PCDH15: variants seen among roughly 807,000 people sequenced by gnomAD.
PCDH15 encodes the protein protocadherin related 15.
In PCDH15, 129 loss-of-function variants were observed where a neutral mutation model predicts 178.5. The ratio of observed to expected loss-of-function variants is 0.72; its 90% CI spans 0.63 to 0.84. PCDH15 has a LOEUF of 0.84. PCDH15 is among the 40% of genes least tolerant of loss of function. PCDH15 has a pLI of 0.00. For synonymous variants in PCDH15, 800 were observed against 732.0 expected, an observed-to-expected ratio of 1.09 and a Z score of -1.50; for missense variants, 2,230 against 2,099.9, an observed-to-expected ratio of 1.06 and a Z score of -1.21.
intron 2 of PCDH15, among the ~76,000 whole-genome samples, chr10:54,661,998 T>C (rs2094499827): frequency 6.6e-6 from 1 of 151,778 alleles, no homozygotes; most frequent in African/African-American, 2.4e-5. Context: ...CCTAGGCAAA[T>C]AATTTATAAA....
At chr10:55,029,150 C>G (rs1405895603) in intron 2 of PCDH15, among the ~76,000 whole-genome samples, 2 of 151,988 alleles carry the variant, frequency 1.3e-5, no homozygotes, top group Non-Finnish European at 2.9e-5. Flanking sequence ...TATCATCATT[C>G]TTACTCTTCA....
At chr10:54,853,388 C>A (rs11004600) in intron 3 of PCDH15, among the ~76,000 whole-genome samples, 1 of 89,424 alleles carries the variant, frequency 1.1e-5, no homozygotes, top group Non-Finnish European at 2.1e-5. Flanking sequence ...CACATACATA[C>A]ATATATATAC....
intron 37 of PCDH15, chr10:53,808,250 C>A: frequency 4.2e-6 from 1 of 240,110 alleles, no homozygotes; most frequent in Non-Finnish European, 6.7e-6. Flanking sequence ...AAGTAGACGA[C>A]TGTTAAAGAT....
Position 55,462,644 on chromosome 10 carries a change from G to A in PCDH15, c.-156+164981C>T, listed in dbSNP as rs1402324331. ...AGAAAGCCATGTTCCTATATATATT[G>A]TGCCTATTTAGTCTTAACTCCAGCA... is the stretch of plus-strand genomic sequence containing the variant. On this transcript the variant is annotated intron_variant, in intron 2 of 5. Coordinates refer to the PCDH15 transcript ENST00000613346. 2.6e-5 allele frequency among the ~76,000 whole-genome samples: 4 copies of A among 152,064 alleles called. No homozygotes were observed. The South Asian group carries it at 6.2e-4, about 24-fold the overall frequency.
chr10:54,592,320 C>G (rs1184868471), intron 2 of PCDH15, among the ~76,000 whole-genome samples: 4 of 151,892 alleles, frequency 2.6e-5, no homozygotes, highest in Admixed American at 2.6e-4. Context: ...TCCTTCCCTT[C>G]CTTCCTCCTT....
intron 2 of PCDH15, among the ~76,000 whole-genome samples, chr10:55,039,715 T>C (rs982232525): frequency 3.3e-5 from 5 of 152,098 alleles, no homozygotes; most frequent in African/African-American, 1.2e-4. Flanking sequence ...AAGTGGCAAG[T>C]GTGGAGAAAC....
At chr10:55,442,783 T>G (rs1366841009) in intron 2 of PCDH15, among the ~76,000 whole-genome samples, 2 of 151,960 alleles carry the variant, frequency 1.3e-5, no homozygotes, top group Non-Finnish European at 2.9e-5. Context: ...TTTACCTATG[T>G]TACCCATTTT....
intron 1 of PCDH15, among the ~76,000 whole-genome samples, chr10:55,268,338 C>G (rs1222483302): frequency 6.6e-6 from 1 of 152,072 alleles, no homozygotes; most frequent in Non-Finnish European, 1.5e-5. Flanking sequence ...CATATGTACA[C>G]AAAAACACAA....
At chr10:54,446,744 C>T (rs116595044) in intron 3 of PCDH15, among the ~76,000 whole-genome samples, 2 of 151,204 alleles carry the variant, frequency 1.3e-5, no homozygotes, top group African/African-American at 4.9e-5. Context: ...ATTTTTAGTG[C>T]CTGAGATTTA....
At chr10:54,794,071 G>GAT (rs1029850658) in intron 1 of PCDH15, among the ~76,000 whole-genome samples, 82 of 145,138 alleles carry the variant, frequency 5.6e-4, no homozygotes, top group African/African-American at 2.0e-3. Flanking sequence ...ACTGCTTTGA[G>GAT]ATATATATAT....
chr10:55,253,393 T>G (rs1029605985), intron 1 of PCDH15, among the ~76,000 whole-genome samples: 2 of 152,184 alleles, frequency 1.3e-5, no homozygotes, highest in Admixed American at 1.3e-4. Flanking sequence ...CATATCTGTA[T>G]AGTTTGATTC....
intron 26 of PCDH15, among the ~76,000 whole-genome samples, chr10:53,878,303 A>ACTATATATATTCTATATATATAGT (rs2080405985): frequency 1.0e-5 from 1 of 96,470 alleles, no homozygotes; most frequent in Non-Finnish European, 2.1e-5. Context: ...ATATATATAG[A>ACTATATATATTCTATATATATAGT]CTATATATAT....
chr10:55,284,737 C>T (rs1011545426), intron 1 of PCDH15, among the ~76,000 whole-genome samples: 5 of 151,878 alleles, frequency 3.3e-5, no homozygotes, highest in African/African-American at 9.7e-5. Context: ...TAAGTTTTCA[C>T]GTCACATGTA....
chr10:53,963,133 A>G (rs974516443), intron 21 of PCDH15, among the ~76,000 whole-genome samples: 4 of 152,190 alleles, frequency 2.6e-5, no homozygotes, highest in Admixed American at 1.3e-4. Context: ...TTCTGAGAAC[A>G]TTGCTTTTTA....
chr10:55,302,422 T>C (rs549358946), intron 1 of PCDH15, among the ~76,000 whole-genome samples: 2 of 152,200 alleles, frequency 1.3e-5, no homozygotes, highest in South Asian at 2.1e-4. Context: ...GAAATTTGTG[T>C]GAAGAAATTG....
chr10:55,093,751 C>G (rs982378561), intron 2 of PCDH15, among the ~76,000 whole-genome samples: 1 of 152,022 alleles, frequency 6.6e-6, no homozygotes, highest in Admixed American at 6.6e-5. Flanking sequence ...AGACAGTTCT[C>G]AAAAGAAGAC....
chr10:54,861,852 C>A (rs1360445083), intron 3 of PCDH15, among the ~76,000 whole-genome samples: 3 of 152,136 alleles, frequency 2.0e-5, no homozygotes, highest in African/African-American at 7.2e-5. Flanking sequence ...AATACATAAA[C>A]AAATACTCTT....
At chr10:55,616,414 T>C (rs765521974) in intron 2 of PCDH15, among the ~76,000 whole-genome samples, 1 of 152,074 alleles carries the variant, frequency 6.6e-6, no homozygotes, top group Non-Finnish European at 1.5e-5. Context: ...AGGAGCTAGA[T>C]GAATTGCAGA....
In PCDH15 at chr10:53,938,810, C is replaced by G. The variant is rs1481426746; in HGVS notation, c.3373+5G>C. ...CTGGTAAAAGCTTTAAGTAGTATAA[C>G]TTACTTTTTGAAGGAACTCGGAGAT... On this transcript the variant is annotated splice_donor_5th_base_variant and intron_variant, in intron 25 of 37. Coordinates refer to ENST00000644397, the MANE Select transcript of PCDH15 (RefSeq NM_001384140.1). 1.6e-5 allele frequency: 25 copies of G among 1,612,450 alleles called. No homozygotes were observed. The highest frequency in any genetic ancestry group is 2.0e-5 in the Non-Finnish European group (24 of 1,179,448).
Sources: allele counts gnomAD v4.1 joint callset (sites outside exome capture counted in the v4.1 genomes callset), GRCh38; gene constraint gnomAD v4.1.1; transcripts MANE v1.5; gene names NCBI Gene and HGNC (gene_info 2026-07-23, HGNC 2026-07-21).